The following KRABD5 variants were observed in gnomAD, a reference collection of about 807,000 sequenced individuals.
KRABD5 encodes the protein KRAB domain containing 5, also known as KRAB domain-containing protein 5.
At chr16:31,742,250 A>G in the KRABD5 span, among the ~76,000 whole-genome samples, 4 of 149,276 alleles carry the variant, frequency 2.7e-5, no homozygotes, top group African/African-American at 9.8e-5. Context: ...TTACATAGGT[A>G]TATGTGTGCC....
At chr16:31,730,734 C>G in the KRABD5 span, among the ~76,000 whole-genome samples, 1 of 151,944 alleles carries the variant, frequency 6.6e-6, no homozygotes, top group African/African-American at 2.4e-5. Flanking sequence ...TTCATGCTTT[C>G]ATATTTTTTT....
the KRABD5 span, among the ~76,000 whole-genome samples, chr16:31,723,638 C>G: frequency 6.6e-6 from 1 of 152,210 alleles, no homozygotes; most frequent in African/African-American, 2.4e-5. Flanking sequence ...GACTGTTCTT[C>G]CATTGATTTG....
chr16:31,714,226 A>G, the KRABD5 span: 2 of 388,808 alleles, frequency 5.1e-6, no homozygotes, highest in African/African-American at 2.1e-5. Flanking sequence ...TATTATGGAA[A>G]TAATTAAATG....
At chr16:31,740,219 G>A in the KRABD5 span, among the ~76,000 whole-genome samples, 1 of 152,112 alleles carries the variant, frequency 6.6e-6, no homozygotes, top group African/African-American at 2.4e-5. Context: ...GCTGGTCTCA[G>A]CATTGGCCTA....
chr16:31,713,354 C>G, the KRABD5 span: 1 of 1,566,540 alleles, frequency 6.4e-7, no homozygotes, highest in Non-Finnish European at 8.7e-7. Context: ...TGAGAATAGA[C>G]AGAACCTCTG....
the KRABD5 span, chr16:31,722,489 A>G: frequency 2.1e-6 from 2 of 948,350 alleles, no homozygotes; most frequent in Non-Finnish European, 1.6e-6. Context: ...ATTGTGTTTA[A>G]AAGTATCTTA....
chr16:31,747,097 G>A, the KRABD5 span, among the ~76,000 whole-genome samples: 4 of 151,230 alleles, frequency 2.6e-5, no homozygotes, highest in Non-Finnish European at 4.4e-5. Context: ...CCATTAACTC[G>A]TCATTTAGCA....
At chr16:31,742,397 G>A in the KRABD5 span, among the ~76,000 whole-genome samples, 8 of 152,192 alleles carry the variant, frequency 5.3e-5, no homozygotes, top group South Asian at 1.5e-3. Context: ...ACTTATAAGC[G>A]AGAACATGCA....
At chr16:31,713,593 C>T in the KRABD5 span, 3 of 1,107,444 alleles carry the variant, frequency 2.7e-6, no homozygotes, top group African/African-American at 4.9e-5. Flanking sequence ...GCCGGGCCGG[C>T]AGCCGGGACC....
the KRABD5 span, among the ~76,000 whole-genome samples, chr16:31,737,046 A>G: frequency 2.0e-5 from 3 of 152,220 alleles, no homozygotes; most frequent in Non-Finnish European, 2.9e-5. Flanking sequence ...CAAATTATGT[A>G]TAGAAGGTAT....
At chr16:31,713,514 T>C in the KRABD5 span, 11 of 1,542,904 alleles carry the variant, frequency 7.1e-6, no homozygotes, top group Admixed American at 1.9e-5. Context: ...TGAGGTTAGC[T>C]TCGGGGTCTG....
the KRABD5 span, among the ~76,000 whole-genome samples, chr16:31,729,153 T>C: frequency 2.0e-5 from 3 of 152,366 alleles, no homozygotes; most frequent in African/African-American, 7.2e-5. Flanking sequence ...GTTCTTTCAC[T>C]GTTAGCTTAT....
the KRABD5 span, among the ~76,000 whole-genome samples, chr16:31,736,543 G>A: frequency 1.5e-5 from 2 of 136,632 alleles, no homozygotes; most frequent in Non-Finnish European, 3.1e-5. Context: ...TTAAGATGGA[G>A]TCTTGCTCTT....
chr16:31,748,382 G>C, the KRABD5 span, among the ~76,000 whole-genome samples: 3 of 152,140 alleles, frequency 2.0e-5, no homozygotes, highest in South Asian at 2.1e-4. Flanking sequence ...ATGCTGTTTT[G>C]GTTACCGTAG....
chr16:31,750,914 C>G, the KRABD5 span, among the ~76,000 whole-genome samples: 1 of 152,116 alleles, frequency 6.6e-6, no homozygotes, highest in Non-Finnish European at 1.5e-5. Context: ...AATGTGCCAT[C>G]ACACCCAGCT....
the KRABD5 span, chr16:31,753,695 G>A: frequency 6.7e-6 from 9 of 1,343,354 alleles, no homozygotes; most frequent in East Asian, 1.3e-4. Context: ...TATAATTTGT[G>A]TATTAGATTT....
At chr16:31,730,421 A>G in the KRABD5 span, among the ~76,000 whole-genome samples, 1 of 152,114 alleles carries the variant, frequency 6.6e-6, no homozygotes, top group African/African-American at 2.4e-5. Context: ...ATCTACTGAT[A>G]ACATTATAAA....
the KRABD5 span, among the ~76,000 whole-genome samples, chr16:31,739,036 A>T: frequency 2.0e-5 from 3 of 152,214 alleles, no homozygotes; most frequent in Non-Finnish European, 2.9e-5. Flanking sequence ...TGGTTATTTT[A>T]AAGTATTTGA....
chr16:31,751,032 T>G, the KRABD5 span, among the ~76,000 whole-genome samples: 1 of 152,238 alleles, frequency 6.6e-6, no homozygotes, highest in Non-Finnish European at 1.5e-5. Flanking sequence ...AGTGCTGGGA[T>G]TACAGGTGTG....
Sources: gnomAD v4.1 joint callset for allele counts (sites outside exome capture counted in the v4.1 genomes callset) on GRCh38, gnomAD v4.1.1 for gene constraint, MANE v1.5 for transcripts, NCBI Gene and HGNC (gene_info 2026-07-23, HGNC 2026-07-21) for gene names.